The following GRAMD1C variants were observed in gnomAD, a reference collection of about 807,000 sequenced individuals.
GRAMD1C encodes protein Aster-C.
GRAMD1C carries 89 observed loss-of-function variants against 97.8 expected under a neutral mutation model. That is an observed-to-expected ratio of 0.91 (90% CI 0.77 to 1.09). GRAMD1C has a LOEUF of 1.09. GRAMD1C is among the 50% of genes least tolerant of loss of function. The probability of loss-of-function intolerance (pLI) is 0.00; values close to 1 mark genes in which losing one functional copy is unlikely to be tolerated. For missense variants in GRAMD1C, 740 were observed against 766.4 expected (o/e 0.97, Z 0.41); for synonymous variants, 256 against 267.0 (o/e 0.96, Z 0.40).
chr3:113,839,198 C>T (rs1709710177), intron 1 of GRAMD1C, among the ~76,000 whole-genome samples: 1 of 152,080 alleles, frequency 6.6e-6, no homozygotes, highest in South Asian at 2.1e-4. Flanking sequence ...TGTCCTGGTG[C>T]GGATGTCTCA....
At chr3:113,896,202 T>C (rs1206622652) in intron 6 of GRAMD1C, among the ~76,000 whole-genome samples, 1 of 152,194 alleles carries the variant, frequency 6.6e-6, no homozygotes, top group African/African-American at 2.4e-5. Flanking sequence ...GCATTTGACA[T>C]ACATGTGCTC....
At chr3:113,882,714 C>T in intron 5 of GRAMD1C, 38 bp from the exon 6 acceptor site, 1 of 1,183,036 alleles carries the variant, frequency 8.5e-7, no homozygotes, top group South Asian at 1.2e-5. Context: ...CTTTTATTTT[C>T]CATGACACTA....
intron 5 of GRAMD1C, among the ~76,000 whole-genome samples, chr3:113,878,665 C>T (rs1327839607): frequency 6.6e-5 from 10 of 152,094 alleles, no homozygotes; most frequent in Non-Finnish European, 1.3e-4. Context: ...CCTCCAAGTC[C>T]CATCTAACAC....
intron 2 of GRAMD1C, among the ~76,000 whole-genome samples, chr3:113,865,550 G>A (rs1934551552): frequency 6.6e-6 from 1 of 152,126 alleles, no homozygotes; most frequent in Non-Finnish European, 1.5e-5. Flanking sequence ...CTTAGAATAG[G>A]AAGATGCTAT....
chr3:113,887,652 G>A (rs1413584263), intron 6 of GRAMD1C, among the ~76,000 whole-genome samples: 1 of 146,704 alleles, frequency 6.8e-6, no homozygotes, highest in East Asian at 2.1e-4. Flanking sequence ...AGCTTGCAGT[G>A]AGCCGAGATT....
At chr3:113,833,195 T>C (rs1709583959) in intron 1 of GRAMD1C, among the ~76,000 whole-genome samples, 2 of 148,678 alleles carry the variant, frequency 1.3e-5, no homozygotes, top group South Asian at 2.1e-4. Context: ...TGGAGTGCAA[T>C]AGTGCTGTCT....
At chr3:113,851,029 C>T (rs1033235160) in intron 2 of GRAMD1C, among the ~76,000 whole-genome samples, 1 of 152,150 alleles carries the variant, frequency 6.6e-6, no homozygotes, top group Non-Finnish European at 1.5e-5. Flanking sequence ...GTCTTGATCT[C>T]CTGACCTCGT....
chr3:113,836,610 T>C (rs1327311665), upstream of GRAMD1C, among the ~76,000 whole-genome samples: 1 of 151,792 alleles, frequency 6.6e-6, no homozygotes, highest in East Asian at 1.9e-4. Flanking sequence ...AAAGACACCC[T>C]GCAACATAGC....
In GRAMD1C at chr3:113,842,473, G is replaced by A. The variant is rs188718368; in HGVS notation, c.28-2030G>A. The stretch of plus-strand genomic sequence containing the variant: ...TTTTTTTGTTTGTTTTTGTTTTGCT[G>A]TTGTATGTTTCCTCCCCTTCTATCC... On this transcript the variant is annotated intron_variant, in intron 1 of 17. Transcript: ENST00000358160. Among the ~76,000 whole-genome samples the A allele has an allele frequency of 2.5e-3, 384 of 152,204 alleles. 3 individuals carry two copies. The highest frequency in any genetic ancestry group is 4.1e-3 in the South Asian group (20 of 4,832).
intron 2 of GRAMD1C, among the ~76,000 whole-genome samples, chr3:113,854,704 C>T (rs946371965): frequency 3.9e-5 from 6 of 152,034 alleles, no homozygotes; most frequent in Admixed American, 1.3e-4. Context: ...TCATTAAAAA[C>T]GTATATACTT....
intron 10 of GRAMD1C, among the ~76,000 whole-genome samples, chr3:113,918,836 G>A (rs2107346011): frequency 6.6e-6 from 1 of 152,204 alleles, no homozygotes; most frequent in East Asian, 1.9e-4. Flanking sequence ...GGGACCACAG[G>A]TGTGCACCAC....
At chr3:113,879,046 A>C (rs182788892) in intron 5 of GRAMD1C, among the ~76,000 whole-genome samples, 1 of 152,150 alleles carries the variant, frequency 6.6e-6, no homozygotes, top group East Asian at 1.9e-4. Flanking sequence ...CTCTACTAAA[A>C]ATACAAAAAT....
chr3:113,875,512 T>C lies in GRAMD1C; in HGVS notation c.288T>C (p.Ile96=). ...ADYACALQRD[I]LLQGRLYLSE... Reference sequence around the variant, plus strand: ...ATGCTTGTGCTCTTCAGAGGGACATTTTGCTTCAGGGACGACTATACCTTT... The same window carrying C: ...ATGCTTGTGCTCTTCAGAGGGACATCTTGCTTCAGGGACGACTATACCTTT... The change falls in exon 4 of 18, where the codon ATT becomes ATC. Residue 96 remains isoleucine, a synonymous_variant. Transcript: ENST00000358160. 6.5e-7 allele frequency: 1 copy of C among 1,531,324 alleles called. No individual in the cohort carries two copies. Among genetic ancestry groups the C allele is most frequent in the Non-Finnish European group, 9.1e-7 (1 of 1,103,570 alleles). 94.9% of individuals were successfully genotyped at this position (1,531,324 alleles called of 1,614,324 possible).
intron 3 of GRAMD1C, among the ~76,000 whole-genome samples, chr3:113,874,029 A>C (rs182989741): frequency 6.6e-6 from 1 of 152,132 alleles, no homozygotes. Flanking sequence ...GTGGCACCTC[A>C]CTTTTGTTTT....
intron 7 of GRAMD1C, among the ~76,000 whole-genome samples, chr3:113,901,758 C>T (rs1204535847): frequency 1.3e-5 from 2 of 152,084 alleles, no homozygotes; most frequent in Non-Finnish European, 2.9e-5. Flanking sequence ...AGTAAAAGTG[C>T]ATTATGTCCA....
intron 6 of GRAMD1C, chr3:113,897,626 A>G: frequency 4.1e-6 from 4 of 984,086 alleles, no homozygotes; most frequent in Non-Finnish European, 4.8e-6. Flanking sequence ...GATTATTTTT[A>G]CATAGTTGTC....
At chr3:113,878,063 A>T (rs1347548814) in intron 5 of GRAMD1C, among the ~76,000 whole-genome samples, 1 of 152,176 alleles carries the variant, frequency 6.6e-6, no homozygotes, top group South Asian at 2.1e-4. Flanking sequence ...TACAAGTGTG[A>T]GCCACTGCGC....
At chr3:113,872,394 T>TC (rs1934856048) in intron 3 of GRAMD1C, among the ~76,000 whole-genome samples, 1 of 136,044 alleles carries the variant, frequency 7.4e-6, no homozygotes, top group African/African-American at 3.1e-5. Flanking sequence ...TTTTTTTCTT[T>TC]TTTTTTTTTT....
chr3:113,904,691 T>TGA (rs1480480893), intron 8 of GRAMD1C, among the ~76,000 whole-genome samples: 8 of 152,104 alleles, frequency 5.3e-5, no homozygotes, highest in Non-Finnish European at 1.2e-4. Context: ...GATGAGCCCC[T>TGA]GAGCAGCATG....
Sources: allele counts gnomAD v4.1 joint callset (sites outside exome capture counted in the v4.1 genomes callset), GRCh38; gene constraint gnomAD v4.1.1; transcripts MANE v1.5; gene names NCBI Gene and HGNC (gene_info 2026-07-23, HGNC 2026-07-21).